The following COQ9 variants were observed in gnomAD, a reference collection of about 807,000 sequenced individuals.
The protein encoded by COQ9 is coenzyme Q9.
Under a neutral mutation model 42.4 loss-of-function variants are expected in COQ9, and 35 were observed. The ratio of observed to expected loss-of-function variants is 0.83; its 90% CI spans 0.63 to 1.10. The LOEUF is 1.10. Ranked by LOEUF, COQ9 falls within the 50% of genes least tolerant of loss-of-function variation. The pLI, the probability that COQ9 is intolerant of heterozygous loss-of-function variation, is 0.00. For missense variants in COQ9, 406 were observed against 414.6 expected (o/e 0.98, Z 0.18); for synonymous variants, 155 against 155.1 (o/e 1.00, Z 0.00).
intron 3 of COQ9, chr16:57,456,266 C>T: frequency 1.9e-6 from 1 of 534,588 alleles, no homozygotes; most frequent in Non-Finnish European, 3.4e-6. Flanking sequence ...TTGATATGTT[C>T]ATCCCTGAGC....
intron 2 of COQ9, among the ~76,000 whole-genome samples, chr16:57,451,875 A>C (rs1013687483): frequency 6.6e-6 from 1 of 152,208 alleles, no homozygotes; most frequent in Non-Finnish European, 1.5e-5. Flanking sequence ...AAGTGTGTGA[A>C]TCTCTCCTTA....
rs746155423 is a variant in COQ9, at chr16:57,451,051, C to G, written c.85C>G (p.Arg29Gly). 2 of 1,613,856 alleles carry G rather than the reference C, an allele frequency of 1.2e-6. No individual in the cohort carries two copies. Among genetic ancestry groups the G allele is most frequent in the African/African-American group, 2.7e-5 (2 of 74,890 alleles). The change falls in exon 2 of 9, where the codon CGA (arginine) becomes GGA (glycine). Residue 29 changes from arginine (R) to glycine (G), a missense_variant. Physicochemically the swap from Arg to Gly is moderately radical, Grantham distance 125. Transcript: ENST00000262507. ...AGTTTCTGTTTCAGTGGCCCGTTGCCGACAAGCCCTGGTGCCGCGTGCCTT... is the reference window on the plus strand; with the variant it reads ...AGTTTCTGTTTCAGTGGCCCGTTGCGGACAAGCCCTGGTGCCGCGTGCCTT... Reference protein sequence around the residue: ...QLRCLPVARCRQALVPRAFHA... With the variant: ...QLRCLPVARCGQALVPRAFHA...
At chr16:57,450,081 G>A (rs555802125) in intron 1 of COQ9, among the ~76,000 whole-genome samples, 57 of 152,276 alleles carry the variant, frequency 3.7e-4, no homozygotes, top group African/African-American at 1.3e-3. Context: ...CAGATATACA[G>A]GTGTTCATTC....
intron 8 of COQ9, 78 bp from the exon 9 acceptor site, chr16:57,460,511 A>G (rs1389304015): frequency 7.1e-7 from 1 of 1,399,972 alleles, no homozygotes; most frequent in Admixed American, 1.8e-5. Flanking sequence ...AGAGAAAAAG[A>G]AAAGCTAGGT....
intron 4 of COQ9, 33 bp from the exon 5 acceptor site, chr16:57,456,898 C>G (rs370065382): frequency 1.3e-6 from 2 of 1,585,156 alleles, no homozygotes; most frequent in Non-Finnish European, 8.7e-7. Flanking sequence ...GCCTTTCACT[C>G]AGAGACACAC....
intron 5 of COQ9, among the ~76,000 whole-genome samples, chr16:57,457,624 TTCAG>T (rs1363123430): frequency 1.3e-5 from 2 of 152,172 alleles, no homozygotes; most frequent in Non-Finnish European, 2.9e-5. Context: ...AGCACGTAGT[TTCAG>T]TCATTCAGTT....
chr16:57,453,921 T>G (rs2030344839), intron 3 of COQ9: 1 of 152,252 alleles, frequency 6.6e-6, no homozygotes, highest in Non-Finnish European at 1.5e-5. Flanking sequence ...CCAAGAGACA[T>G]GACAGGGGTC....
rs1425799791 is a variant in COQ9 at position 57,450,436 on chromosome 16, T to C, written c.74-604T>C. ...ACAAAAAAAAAAAAAAAAAAGAAAATTTTTAGAATAAAAAATGTTGGGAAA... is the reference window on the plus strand; with the variant it reads ...ACAAAAAAAAAAAAAAAAAAGAAAACTTTTAGAATAAAAAATGTTGGGAAA... On this transcript the variant is annotated intron_variant, in intron 1 of 8. Coordinates refer to ENST00000262507, the MANE Select transcript of COQ9 (RefSeq NM_020312.4). 3.5e-5 allele frequency among the ~76,000 whole-genome samples: 5 copies of C among 144,176 alleles called. No individual in the cohort carries two copies. In the South Asian group the frequency reaches 1.1e-3, roughly 32 times the overall value. The allele number at this position is 144,176 out of a possible 152,430, so 94.6% of individuals were successfully genotyped here.
chr16:57,447,935 A>ACACGGC (rs1240953248), intron 1 of COQ9: 1 of 209,052 alleles, frequency 4.8e-6, no homozygotes, highest in Non-Finnish European at 9.5e-6. Context: ...GGACAGGTGG[A>ACACGGC]CACGGCCACA....
At position 57,461,189 on chromosome 16, in the gene COQ9, G is replaced by T. The variant is rs886052183; in HGVS notation, c.*565G>T. 2.2e-6 allele frequency: 1 copy of T among 455,640 alleles called. No individual in the cohort carries two copies. Among genetic ancestry groups the T allele is most frequent in the Admixed American group, 2.4e-5 (1 of 42,530 alleles). 28.2% of individuals were successfully genotyped at this position (455,640 alleles called of 1,614,324 possible). A position where few individuals can be genotyped will look rare whatever the true frequency, so the allele number is the denominator to read the frequency against. ...GGACAGAGGTGTGATTCCAGGCCTG[G>T]TGTCACATGACACCAGCATGCATTG... is the stretch of plus-strand genomic sequence containing the variant. On this transcript the variant is annotated 3_prime_UTR_variant, in exon 9 of 9. Coordinates refer to ENST00000262507, the MANE Select transcript of COQ9 (RefSeq NM_020312.4).
chr16:57,461,135 A>G lies in COQ9; in HGVS notation c.*511A>G, dbSNP rs1196613859. 1 of 455,436 alleles carries G rather than the reference A, an allele frequency of 2.2e-6. No homozygotes were observed. Among genetic ancestry groups the G allele is most frequent in the South Asian group, 1.5e-5 (1 of 64,518 alleles). 28.2% of individuals were successfully genotyped at this position (455,436 alleles called of 1,614,324 possible). On this transcript the variant is annotated 3_prime_UTR_variant, in exon 9 of 9. Transcript: ENST00000262507. ...GCTGTTCCTGGGAGCCCCCTCAGAAAACTGCCTCACCTGAGACAAGTGCCT... is the reference window on the plus strand; with the variant it reads ...GCTGTTCCTGGGAGCCCCCTCAGAAGACTGCCTCACCTGAGACAAGTGCCT...
rs1343125311 is a variant in COQ9 at position 57,460,674 on chromosome 16, T to C, written c.*50T>C. ...CCTAGAAGAGAATGAGCGGACAGAT[T>C]GAAAGAGCTTTGAAAAGTATAAGGT... On this transcript the variant is annotated 3_prime_UTR_variant, in exon 9 of 9. Transcript: ENST00000262507. 1 of 1,561,746 alleles carries C rather than the reference T, an allele frequency of 6.4e-7. No individual in the cohort carries two copies. Among genetic ancestry groups the C allele is most frequent in the Non-Finnish European group, 8.8e-7 (1 of 1,132,822 alleles).
chr16:57,457,366 G>A, intron 5 of COQ9: 1 of 372,932 alleles, frequency 2.7e-6, no homozygotes, highest in Non-Finnish European at 5.2e-6. Flanking sequence ...GTCTTCACTT[G>A]AATAACAGCC....
intron 1 of COQ9, among the ~76,000 whole-genome samples, chr16:57,449,447 C>T (rs1319060314): frequency 6.6e-6 from 1 of 151,912 alleles, no homozygotes; most frequent in Non-Finnish European, 1.5e-5. Context: ...GAATCTTTGC[C>T]AGATATACTG....
At position 57,451,200 on chromosome 16, in the gene COQ9, A is replaced by T. The variant is rs1567578119; in HGVS notation, c.234A>T (p.Ser78=). The T allele has an allele frequency of 1.9e-6, 3 of 1,613,448 alleles. No homozygotes were observed. Among genetic ancestry groups the T allele is most frequent in the Admixed American group, 1.7e-5 (1 of 59,914 alleles). The change falls in exon 2 of 9, where the codon TCA becomes TCT. Residue 78 remains serine (S), a synonymous_variant. Coordinates refer to ENST00000262507, the MANE Select transcript of COQ9 (RefSeq NM_020312.4). ...AEKPDPESSH[S]PPRYTDQGGE... is the part of the protein sequence containing the mutation. ...AACCTGATCCAGAGTCTTCTCATTCACCCCCCAGGTAGGCACCAATCCACC... is the reference window on the plus strand; with the variant it reads ...AACCTGATCCAGAGTCTTCTCATTCTCCCCCCAGGTAGGCACCAATCCACC...
chr16:57,451,545 T>C lies in COQ9; in HGVS notation c.242+337T>C, dbSNP rs557501433. Among the ~76,000 whole-genome samples, 3 of 152,326 alleles carry C rather than the reference T, an allele frequency of 2.0e-5. No homozygotes were observed. In the South Asian group the frequency reaches 6.2e-4, roughly 32 times the overall value. The stretch of plus-strand genomic sequence containing the variant: ...TGTTTGTTCTAAAACACCTAAACAG[T>C]ATAGAGAAGTTCACAAAAATAAAGC... On this transcript the variant is annotated intron_variant, in intron 2 of 8. Coordinates refer to ENST00000262507, the MANE Select transcript of COQ9 (RefSeq NM_020312.4).
rs899467244 is a variant in COQ9 at position 57,451,129 on chromosome 16, C to G, written c.163C>G (p.Pro55Ala). 1.9e-6 allele frequency: 3 copies of G among 1,614,148 alleles called. No homozygotes were observed. The highest frequency in any genetic ancestry group is 3.3e-4 in the Middle Eastern group (2 of 6,062). The part of the protein sequence containing the change: ...RSSDEQKQQP[P>A]NSFSQQHSET... ...TTCAGATGAGCAGAAGCAGCAGCCTCCCAACTCATTTTCTCAGCAGCATTC... is the reference window on the plus strand; with the variant it reads ...TTCAGATGAGCAGAAGCAGCAGCCTGCCAACTCATTTTCTCAGCAGCATTC... Residue 55 changes from proline (P) to alanine (A), a missense_variant, in exon 2 of 9, where the codon CCC becomes GCC. Physicochemically the swap from Pro to Ala is conservative, Grantham distance 27. Transcript: ENST00000262507.
intron 6 of COQ9, 130 bp downstream of exon 6, chr16:57,458,480 A>T (rs1319397918): frequency 1.4e-6 from 1 of 737,346 alleles, no homozygotes; most frequent in African/African-American, 1.7e-5. Flanking sequence ...CATCTAAGGT[A>T]TGAGGAAGGT....
rs761069867 is a variant in COQ9 at position 57,456,488 on chromosome 16, GTCTCCCCT to G, written c.379-14_379-7del. The G allele has an allele frequency of 1.9e-5, 31 of 1,614,100 alleles. No individual in the cohort carries two copies. In the South Asian group the frequency reaches 3.2e-4, roughly 17 times the overall value. On this transcript the variant is annotated splice_polypyrimidine_tract_variant and splice_region_variant and intron_variant, in intron 3 of 8. Coordinates refer to ENST00000262507, the MANE Select transcript of COQ9 (RefSeq NM_020312.4). ...CTTGGGCACCGCTTTTCTGTTTTCT[GTCTCCCCT>G]TTTGTAGTCTCTGGGTCTCTCCAGT...
Sources: allele counts gnomAD v4.1 joint callset (sites outside exome capture counted in the v4.1 genomes callset), GRCh38; gene constraint gnomAD v4.1.1; transcripts MANE v1.5; gene names NCBI Gene and HGNC (gene_info 2026-07-23, HGNC 2026-07-21).